Variants in TTC28 observed in about 807,000 individuals in gnomAD.
TTC28 encodes the protein tetratricopeptide repeat domain 28, also known as tetratricopeptide repeat protein 28.
TTC28 carries 61 observed loss-of-function variants against 198.0 expected under a neutral mutation model. That is an observed-to-expected ratio of 0.31 (90% CI 0.25 to 0.38). TTC28 has a LOEUF of 0.38. Ranked by LOEUF, TTC28 falls within the 10% of genes least tolerant of loss-of-function variation. The pLI, the probability that TTC28 is intolerant of heterozygous loss-of-function variation, is 1.00. For missense variants in TTC28, 2,678 were observed against 3,164.0 expected (o/e 0.85, Z 3.69); for synonymous variants, 1,171 against 1,297.8 (o/e 0.90, Z 2.10).
chr22:28,221,080 G>A (rs936233046), intron 5 of TTC28, among the ~76,000 whole-genome samples: 19 of 152,160 alleles, frequency 1.2e-4, no homozygotes, highest in Non-Finnish European at 2.6e-4. Context: ...AGCAGGTGAC[G>A]ATGGTGTGGC....
chr22:28,345,602 T>G (rs546593188), intron 2 of TTC28, among the ~76,000 whole-genome samples: 1 of 152,174 alleles, frequency 6.6e-6, no homozygotes. Context: ...GTTTTTATTT[T>G]TAAAAGAAAA....
At chr22:28,565,495 GA>G (rs1248234120) in intron 2 of TTC28, among the ~76,000 whole-genome samples, 1 of 152,114 alleles carries the variant, frequency 6.6e-6, no homozygotes, top group Non-Finnish European at 1.5e-5. Flanking sequence ...GTTCCCAAAT[GA>G]AAAACAGCTA....
rs1022962155 is a variant in TTC28, at chr22:28,163,742, G to C, written c.934-143C>G. 8 of 958,244 alleles carry C rather than the reference G, an allele frequency of 8.3e-6. No homozygotes were observed. In the African/African-American group the frequency reaches 1.2e-4, roughly 14 times the overall value. The allele number at this position is 958,244 out of a possible 1,614,324, so 59.4% of individuals were successfully genotyped here. A position where few individuals can be genotyped will look rare whatever the true frequency, so the allele number is the denominator to read the frequency against. Reference sequence around the variant, plus strand: ...AGCTCCCAGCGTGAGTGACGCAGAAGACGGGTGATTTCTGCATTTCCAACT... The same window carrying C: ...AGCTCCCAGCGTGAGTGACGCAGAACACGGGTGATTTCTGCATTTCCAACT... On this transcript the variant is annotated intron_variant, in intron 5 of 22. Transcript: ENST00000397906.
At chr22:28,456,663 C>G (rs1043942962) in intron 2 of TTC28, among the ~76,000 whole-genome samples, 1 of 152,118 alleles carries the variant, frequency 6.6e-6, no homozygotes, top group Admixed American at 6.5e-5. Flanking sequence ...GCAACCTCCA[C>G]CCCCAGGATT....
rs148640167 is a variant in TTC28, at chr22:28,620,730, CT to C, written c.381+8821del. On this transcript the variant is annotated intron_variant, in intron 2 of 22. Coordinates refer to ENST00000397906, the MANE Select transcript of TTC28 (RefSeq NM_001145418.2). Reference sequence around the variant, plus strand: ...CTTAAGGGTGCTCAGGGCGTTGTGCCTGCTGACTTTCTACCGGGCCAAAGAA... The same window carrying C: ...CTTAAGGGTGCTCAGGGCGTTGTGCCGCTGACTTTCTACCGGGCCAAAGAA... Among the ~76,000 whole-genome samples the C allele has an allele frequency of 5.0e-4, 76 of 152,314 alleles. 3 individuals carry two copies. In the East Asian group the frequency reaches 0.014, roughly 29 times the overall value.
intron 2 of TTC28, among the ~76,000 whole-genome samples, chr22:28,318,812 C>CTTTTT (rs71316836): frequency 2.1e-4 from 13 of 61,334 alleles, no homozygotes; most frequent in Admixed American, 5.3e-4. Flanking sequence ...GAAGTGTATT[C>CTTTTT]TTTTTTTTTT....
At chr22:28,162,971 A>G (rs1487090492) in intron 6 of TTC28, 121 bp downstream of exon 6, 1 of 1,284,562 alleles carries the variant, frequency 7.8e-7, no homozygotes, top group Non-Finnish European at 1.0e-6. Flanking sequence ...AAAAGAGCAC[A>G]CACAATAAGG....
chr22:28,178,747 A>G (rs1237124190), intron 5 of TTC28, among the ~76,000 whole-genome samples: 1 of 152,236 alleles, frequency 6.6e-6, no homozygotes. Context: ...TTCATTGATC[A>G]TTATAATAAA....
At chr22:28,141,010 A>G (rs1203495721) in intron 6 of TTC28, among the ~76,000 whole-genome samples, 1 of 151,170 alleles carries the variant, frequency 6.6e-6, no homozygotes, top group East Asian at 2.0e-4. Flanking sequence ...AAATACATTA[A>G]TACAAGCAGG....
chr22:27,990,196 C>T (rs1937351501), intron 20 of TTC28, 189 bp from the exon 21 acceptor site: 1 of 773,682 alleles, frequency 1.3e-6, no homozygotes, highest in African/African-American at 1.8e-5. Flanking sequence ...GTGGGAAGCT[C>T]ATGGGGCATT....
At chr22:28,449,829 A>C (rs1019595318) in intron 2 of TTC28, among the ~76,000 whole-genome samples, 1 of 152,234 alleles carries the variant, frequency 6.6e-6, no homozygotes, top group African/African-American at 2.4e-5. Flanking sequence ...GCAGAAACAG[A>C]AAAAGGACCT....
At chr22:28,090,332 C>T (rs924737722) in intron 12 of TTC28, among the ~76,000 whole-genome samples, 1 of 151,752 alleles carries the variant, frequency 6.6e-6, no homozygotes, top group Non-Finnish European at 1.5e-5. Context: ...ATTCTATATC[C>T]TATTTTTTTC....
In TTC28 at chr22:28,399,323, T is replaced by TG. The variant is rs2046866713; in HGVS notation, c.382-92681_382-92680insC. Among the ~76,000 whole-genome samples, 3 of 147,676 alleles carry TG rather than the reference T, an allele frequency of 2.0e-5. No homozygotes were observed. The South Asian group carries it at 6.4e-4, about 32-fold the overall frequency. On this transcript the variant is annotated intron_variant, in intron 2 of 22. Coordinates refer to ENST00000397906, the MANE Select transcript of TTC28 (RefSeq NM_001145418.2). ...ATAAGTTGAGACTAAAACTGTTTTT[T>TG]TTTTTTTTTTTTTGAGACAGGCTTG...
chr22:28,148,481 C>T (rs992267405), intron 6 of TTC28, among the ~76,000 whole-genome samples: 5 of 151,928 alleles, frequency 3.3e-5, no homozygotes, highest in East Asian at 1.9e-4. Context: ...GGCGCGGTGG[C>T]GGGCACCTGT....
chr22:28,629,055 C>T (rs2051124977), intron 2 of TTC28, among the ~76,000 whole-genome samples: 3 of 151,910 alleles, frequency 2.0e-5, no homozygotes, highest in African/African-American at 7.3e-5. Flanking sequence ...TAATAAAAAA[C>T]AAAGATAGTA....
chr22:28,224,775 T>C (rs1383241463), intron 5 of TTC28, among the ~76,000 whole-genome samples: 2 of 152,188 alleles, frequency 1.3e-5, no homozygotes, highest in East Asian at 1.9e-4. Context: ...CTGAACTTCT[T>C]GCCCCAGCAT....
chr22:28,338,327 C>G (rs937712036), intron 2 of TTC28, among the ~76,000 whole-genome samples: 62 of 152,116 alleles, frequency 4.1e-4, no homozygotes, highest in African/African-American at 1.4e-3. Flanking sequence ...CTTGGCATTG[C>G]TCTTCTCGAG....
chr22:28,089,275 C>T (rs1229909769), intron 12 of TTC28, among the ~76,000 whole-genome samples: 1 of 152,012 alleles, frequency 6.6e-6, no homozygotes, highest in Non-Finnish European at 1.5e-5. Flanking sequence ...AAATGTCCAA[C>T]AATGATAGAC....
intron 2 of TTC28, among the ~76,000 whole-genome samples, chr22:28,401,717 G>C (rs1265564030): frequency 6.6e-6 from 1 of 152,154 alleles, no homozygotes; most frequent in Admixed American, 6.5e-5. Context: ...CTTCAGGCCA[G>C]AGGATTCCTT....
Sources: gnomAD v4.1 joint callset for allele counts (sites outside exome capture counted in the v4.1 genomes callset) on GRCh38, gnomAD v4.1.1 for gene constraint, MANE v1.5 for transcripts, NCBI Gene and HGNC (gene_info 2026-07-23, HGNC 2026-07-21) for gene names.